GOLGB1: variants seen among roughly 807,000 people sequenced by gnomAD.
GOLGB1 encodes the protein golgin subfamily B member 1.
In GOLGB1, 174 loss-of-function variants were observed where a neutral mutation model predicts 336.9. That is an observed-to-expected ratio of 0.52 (90% CI 0.46 to 0.59). The LOEUF is 0.59. Ranked by LOEUF, GOLGB1 falls within the 20% of genes least tolerant of loss-of-function variation. The probability of loss-of-function intolerance (pLI) is 0.00; values close to 1 mark genes in which losing one functional copy is unlikely to be tolerated. For synonymous variants in GOLGB1, 1,208 were observed against 1,289.2 expected (o/e 0.94, Z 1.35); for missense variants, 3,331 against 3,645.3 (o/e 0.91, Z 2.22).
At chr3:121,701,990 G>A (rs564221546) in intron 11 of GOLGB1, among the ~76,000 whole-genome samples, 10 of 152,166 alleles carry the variant, frequency 6.6e-5, no homozygotes, top group Admixed American at 2.0e-4. Flanking sequence ...CCTGAAAGAT[G>A]AGTAACAATC....
At chr3:121,723,595 A>G (rs1945343064) in intron 5 of GOLGB1, among the ~76,000 whole-genome samples, 1 of 152,224 alleles carries the variant, frequency 6.6e-6, no homozygotes, top group Admixed American at 6.5e-5. Flanking sequence ...GTAGTATTCC[A>G]GTGTGTGGAT....
In GOLGB1 at chr3:121,697,758, A is replaced by G; in HGVS notation, c.2765T>C (p.Leu922Pro). The G allele has an allele frequency of 6.2e-7, 1 of 1,613,984 alleles. No homozygotes were observed. ...CCCAAGAGAAAACTTCTCTTCATTA[A>G]GCTGAACCATTTTCTCAGTCATACT... ...SFSMTEKMVQ[L>P]NEEKFSLGVE... is the part of the protein sequence containing the mutation. Residue 922 changes from leucine to proline, a missense_variant, in exon 13 of 22, where the codon CTT (leucine) becomes CCT (proline). Leu to Pro is a moderately conservative substitution (Grantham distance 98). Transcript: ENST00000614479.
At chr3:121,720,459 G>T (rs1048693260) in intron 6 of GOLGB1, among the ~76,000 whole-genome samples, 1 of 152,154 alleles carries the variant, frequency 6.6e-6, no homozygotes, top group African/African-American at 2.4e-5. Flanking sequence ...TTGTTTTTAG[G>T]TTGTGAGTGT....
chr3:121,735,711 T>C, intron 1 of GOLGB1, among the ~76,000 whole-genome samples: 1 of 152,302 alleles, frequency 6.6e-6, no homozygotes, highest in East Asian at 1.9e-4. Context: ...TATATGTAAA[T>C]AGATAAATGC....
chr3:121,697,294 C>G lies in GOLGB1; in HGVS notation c.3229G>C (p.Glu1077Gln). Residue 1077 changes from glutamate (E) to glutamine (Q), a missense_variant, in exon 13 of 22, where the codon GAA (glutamate) becomes CAA (glutamine). By Grantham distance (29) the Glu-to-Gln change is conservative. Transcript: ENST00000614479. ...AAATCCTTCCTTATATGCTGTAGTT[C>G]CACTTCTTTCTCAGATATTGTCTGT... ...LKQTISEKEVELQHIRKDLEE... is the reference protein window; with the variant it reads ...LKQTISEKEVQLQHIRKDLEE... 1.2e-6 allele frequency: 2 copies of G among 1,613,684 alleles called. No homozygotes were observed. The highest frequency in any genetic ancestry group is 1.7e-6 in the Non-Finnish European group (2 of 1,179,734).
rs147340438 is a variant in GOLGB1, at chr3:121,729,241, G to T, written c.349C>A (p.Gln117Lys). The change falls in exon 4 of 22, where the codon CAA (glutamine) becomes AAA (lysine). Residue 117 changes from glutamine (Q) to lysine (K), a missense_variant. Transcript: ENST00000614479. The part of the protein sequence containing the change: ...LNKYIEEMKA[Q>K]GGTVLPTEPQ... ...TCTGTAGGCAGAACAGTCCCTCCTT[G>T]TGCTTTCATTTCTTCTATGTATTTA... 4,245 of 1,612,948 alleles carry T rather than the reference G, an allele frequency of 2.6e-3. 6 individuals are homozygous for T. The highest frequency in any genetic ancestry group is 3.4e-3 in the Non-Finnish European group (3,999 of 1,179,168).
rs1945977580 is a variant in GOLGB1, at chr3:121,730,135, A to C, written c.97-118T>G. On this transcript the variant is annotated intron_variant, in intron 2 of 21. Coordinates refer to ENST00000614479, the MANE Select transcript of GOLGB1 (RefSeq NM_001366282.2). The stretch of plus-strand genomic sequence containing the variant: ...AATTCATATTCTTGTTAACTTAAGA[A>C]TCTAACTCTGATCCAATAATAATCA... The C allele has an allele frequency of 6.8e-5, 43 of 627,894 alleles. No individual in the cohort carries two copies. The South Asian group carries it at 8.2e-4, about 12-fold the overall frequency. The allele number at this position is 627,894 out of a possible 1,614,324, so 38.9% of individuals were successfully genotyped here.
At chr3:121,717,527 G>A (rs1944873556) in intron 8 of GOLGB1, among the ~76,000 whole-genome samples, 1 of 152,190 alleles carries the variant, frequency 6.6e-6, no homozygotes, top group African/African-American at 2.4e-5. Context: ...GAGAAGCAAA[G>A]TGGAATTCAA....
intron 6 of GOLGB1, among the ~76,000 whole-genome samples, chr3:121,720,635 G>A (rs1247242151): frequency 1.3e-5 from 2 of 152,154 alleles, no homozygotes; most frequent in Non-Finnish European, 2.9e-5. Context: ...TCCTCAGAAT[G>A]TTTTTATTAT....
intron 17 of GOLGB1, among the ~76,000 whole-genome samples, chr3:121,670,291 A>G (rs1939306728): frequency 6.6e-6 from 1 of 152,138 alleles, no homozygotes. Flanking sequence ...TATGAGAGGA[A>G]CCCAGTATAC....
At position 121,697,300 on chromosome 3, in the gene GOLGB1, C is replaced by T; in HGVS notation, c.3223G>A (p.Glu1075Lys). 6.2e-7 allele frequency: 1 copy of T among 1,613,740 alleles called. No individual in the cohort carries two copies. Among genetic ancestry groups the T allele is most frequent in the Non-Finnish European group, 8.5e-7 (1 of 1,179,762 alleles). ...TTCCTTATATGCTGTAGTTCCACTTCTTTCTCAGATATTGTCTGTTTTAAA... is the reference window on the plus strand; with the variant it reads ...TTCCTTATATGCTGTAGTTCCACTTTTTTCTCAGATATTGTCTGTTTTAAA... ...IYLKQTISEK[E>K]VELQHIRKDL... Residue 1075 changes from glutamate (E) to lysine (K), a missense_variant, in exon 13 of 22, where the codon GAA (glutamate) becomes AAA (lysine). Coordinates refer to ENST00000614479, the MANE Select transcript of GOLGB1 (RefSeq NM_001366282.2).
At chr3:121,693,168 C>T (rs774476735) in intron 13 of GOLGB1, among the ~76,000 whole-genome samples, 16 of 152,032 alleles carry the variant, frequency 1.1e-4, no homozygotes, top group Non-Finnish European at 2.1e-4. Flanking sequence ...AAAATCCAGG[C>T]AAGAGTAGTT....
intron 5 of GOLGB1, among the ~76,000 whole-genome samples, chr3:121,724,156 G>A (rs568587718): frequency 2.4e-4 from 36 of 151,902 alleles, no homozygotes; most frequent in Non-Finnish European, 4.9e-4. Context: ...GCAGAGGCTG[G>A]AAAAATTCTG....
At chr3:121,718,542 A>G (rs1364041287) in intron 7 of GOLGB1, 41 bp from the exon 8 acceptor site, 1 of 1,270,186 alleles carries the variant, frequency 7.9e-7, no homozygotes, top group Non-Finnish European at 1.1e-6. Flanking sequence ...CTAACAAATG[A>G]GTGCTTGTAT....
At position 121,676,953 on chromosome 3, in the gene GOLGB1, G is replaced by A. The variant is rs979159576; in HGVS notation, c.9117C>T (p.Leu3039=). The A allele has an allele frequency of 3.7e-6, 6 of 1,613,434 alleles. No homozygotes were observed. Among genetic ancestry groups the A allele is most frequent in the Non-Finnish European group, 5.1e-6 (6 of 1,179,486 alleles). The change falls in exon 17 of 22, where the codon CTC becomes CTT. Residue 3039 remains leucine (L), a synonymous_variant. Transcript: ENST00000614479. ...GGTGAATTTCCTTTAAGCTGTCATT[G>A]AGCTGGGTCCTGAGAAGTTCTGTCT... The part of the protein sequence containing the change: ...VYETELLRTQ[L]NDSLKEIHQK...
At position 121,722,386 on chromosome 3, in the gene GOLGB1, A is replaced by G. The variant is rs769416162; in HGVS notation, c.532-8T>C. The G allele has an allele frequency of 6.9e-7, 1 of 1,439,072 alleles. No homozygotes were observed. The highest frequency in any genetic ancestry group is 1.7e-5 in the Admixed American group (1 of 58,946). The allele number at this position is 1,439,072 out of a possible 1,614,324, so 89.1% of individuals were successfully genotyped here. A position where few individuals can be genotyped will look rare whatever the true frequency, so the allele number is the denominator to read the frequency against. On this transcript the variant is annotated splice_region_variant and splice_polypyrimidine_tract_variant and intron_variant, in intron 5 of 21. Coordinates refer to ENST00000614479, the MANE Select transcript of GOLGB1 (RefSeq NM_001366282.2). ...TTCCATCTCTGTAGAACTCTTATCAAACCGAAGACATAGAAGGAAAAAAAA... is the reference window on the plus strand; with the variant it reads ...TTCCATCTCTGTAGAACTCTTATCAGACCGAAGACATAGAAGGAAAAAAAA...
intron 13 of GOLGB1, among the ~76,000 whole-genome samples, chr3:121,693,058 A>T (rs1459044229): frequency 3.3e-5 from 5 of 152,252 alleles, no homozygotes; most frequent in Non-Finnish European, 5.9e-5. Context: ...TTGAAATTTG[A>T]GAAAAAATAA....
intron 10 of GOLGB1, among the ~76,000 whole-genome samples, chr3:121,703,485 T>A (rs1459594774): frequency 1.3e-5 from 2 of 152,114 alleles, no homozygotes; most frequent in Non-Finnish European, 2.9e-5. Context: ...GAAAAAGAGT[T>A]AGGAAGGAGG....
chr3:121,702,076 T>C (rs942906230), intron 11 of GOLGB1, among the ~76,000 whole-genome samples: 2 of 152,092 alleles, frequency 1.3e-5, no homozygotes, highest in African/African-American at 4.8e-5. Context: ...ACAACATAGT[T>C]TCTACCTTTA....
Sources: allele counts gnomAD v4.1 joint callset (sites outside exome capture counted in the v4.1 genomes callset), GRCh38; gene constraint gnomAD v4.1.1; transcripts MANE v1.5; gene names NCBI Gene and HGNC (gene_info 2026-07-23, HGNC 2026-07-21).